The following PLD1 variants were observed in gnomAD, a reference collection of about 807,000 sequenced individuals.
PLD1 encodes the protein phospholipase D1.
In PLD1, 112 loss-of-function variants were observed where a neutral mutation model predicts 137.1. The ratio of observed to expected loss-of-function variants is 0.82; its 90% confidence interval spans 0.70 to 0.96. The LOEUF (loss-of-function observed/expected upper bound fraction) is 0.96, where lower values mean the gene tolerates loss of function less well. Among genes scored for constraint, PLD1 ranks in the 40% least tolerant of loss-of-function variants. PLD1 has a pLI of 0.00. For missense variants in PLD1, 1,321 were observed against 1,342.0 expected (o/e 0.98, Z 0.24); for synonymous variants, 431 against 454.7 (o/e 0.95, Z 0.66).
intron 23 of PLD1, among the ~76,000 whole-genome samples, chr3:171,635,273 G>C (rs1035581015): frequency 6.6e-6 from 1 of 151,962 alleles, no homozygotes; most frequent in African/African-American, 2.4e-5. Context: ...TTTAATATTT[G>C]GGTAAATGTT....
At chr3:171,634,409 G>T (rs752879296) in intron 23 of PLD1, among the ~76,000 whole-genome samples, 1 of 151,970 alleles carries the variant, frequency 6.6e-6, no homozygotes, top group Non-Finnish European at 1.5e-5. Flanking sequence ...TGATTTTCCC[G>T]ATTTTATTTT....
chr3:171,604,906 T>A (rs1294151055), intron 26 of PLD1, among the ~76,000 whole-genome samples: 3 of 152,238 alleles, frequency 2.0e-5, no homozygotes, highest in Admixed American at 1.3e-4. Flanking sequence ...GAAAGTTAAG[T>A]CACTATACAC....
chr3:171,641,300 T>C (rs1735719891), intron 23 of PLD1, among the ~76,000 whole-genome samples: 1 of 152,216 alleles, frequency 6.6e-6, no homozygotes, highest in African/African-American at 2.4e-5. Context: ...TTTAGTTAAT[T>C]TCCCCATCCA....
rs539484269 is a variant in PLD1, at chr3:171,755,952, G to A, written c.-31-17870C>T. 7.9e-5 allele frequency among the ~76,000 whole-genome samples: 12 copies of A among 152,240 alleles called. No individual in the cohort carries two copies. The East Asian group carries it at 2.1e-3, about 27-fold the overall frequency. On this transcript the variant is annotated intron_variant, in intron 1 of 26. Coordinates refer to ENST00000351298, the MANE Select transcript of PLD1 (RefSeq NM_002662.5). ...CTATGTTTTCTTCTTGAAGAAAATT[G>A]GAAACATCATCTACCCAGCTGCATA...
intron 9 of PLD1, among the ~76,000 whole-genome samples, chr3:171,712,763 A>G (rs1408159447): frequency 6.6e-6 from 1 of 152,216 alleles, no homozygotes; most frequent in Non-Finnish European, 1.5e-5. Flanking sequence ...CAATAAAGTA[A>G]GGGACCAGTG....
At chr3:171,739,170 C>T (rs1719593817) in intron 1 of PLD1, among the ~76,000 whole-genome samples, 1 of 152,160 alleles carries the variant, frequency 6.6e-6, no homozygotes, top group Non-Finnish European at 1.5e-5. Context: ...TCTTAGGCTT[C>T]TTGAGAATGA....
At position 171,713,997 on chromosome 3, in the gene PLD1, G is replaced by T. The variant is rs146296743; in HGVS notation, c.807C>A (p.Ser269Arg). The T allele has an allele frequency of 6.2e-7, 1 of 1,606,432 alleles. No individual in the cohort carries two copies. Among genetic ancestry groups the T allele is most frequent in the South Asian group, 1.1e-5 (1 of 90,918 alleles). Residue 269 changes from serine to arginine, a missense_variant, in exon 9 of 27, where the codon AGC (serine) becomes AGA (arginine). By Grantham distance (110) the Ser-to-Arg change is moderately radical (BLOSUM62 -1). Coordinates refer to ENST00000351298, the MANE Select transcript of PLD1 (RefSeq NM_002662.5). ...DSFLLYMKPD[S>R]GAIAFVLLVD... ...CCAGCAGGACGAAGGCAATGGCACC[G>T]CTGTCTGGTTTCATATACAATAAAA...
intron 1 of PLD1, among the ~76,000 whole-genome samples, chr3:171,776,416 GCT>G (rs1469506216): frequency 3.3e-5 from 5 of 152,196 alleles, no homozygotes. Context: ...CTTGCTCAAA[GCT>G]CTTTTATTTA....
Position 171,612,462 on chromosome 3 carries a change from C to G in PLD1, c.2729-30G>C. On this transcript the variant is annotated intron_variant, in intron 24 of 26. Transcript: ENST00000351298. The surrounding 1 kb of genome is among the most constrained non-coding windows in gnomAD (Gnocchi z 4.1). Reference sequence around the variant, plus strand: ...AAGGAGAAACAGTGAGGCTGAACAACCTTCCTGTTGTGGCAGACACTGTTG... The same window carrying G: ...AAGGAGAAACAGTGAGGCTGAACAAGCTTCCTGTTGTGGCAGACACTGTTG... 6.2e-7 allele frequency: 1 copy of G among 1,608,978 alleles called. No homozygotes were observed.
At chr3:171,676,117 C>T (rs781200602) in intron 18 of PLD1, among the ~76,000 whole-genome samples, 3 of 152,278 alleles carry the variant, frequency 2.0e-5, no homozygotes, top group South Asian at 2.1e-4. Context: ...GCCAGGATTA[C>T]AGTCGTGGGC....
rs151169443 is a variant in PLD1, at chr3:171,764,933, G to GGAAA, written c.-31-26855_-31-26852dup. ...GAAGGAAAGAAAGAAAGGAAAGAAA[G>GGAAA]GAAAGAAAGAAAGAAAGAAAGAAAG... On this transcript the variant is annotated intron_variant, in intron 1 of 26. Transcript: ENST00000351298. 8.8e-3 allele frequency among the ~76,000 whole-genome samples: 208 copies of GGAAA among 23,722 alleles called. 12 individuals carry two copies. Among genetic ancestry groups the GGAAA allele is most frequent in the East Asian group, 0.015 (19 of 1,274 alleles). 15.6% of individuals were successfully genotyped at this position (23,722 alleles called of 152,430 possible).
intron 1 of PLD1, among the ~76,000 whole-genome samples, chr3:171,788,250 C>CT (rs58878929): frequency 0.015 from 1,606 of 110,460 alleles, 29 homozygotes; most frequent in Middle Eastern, 0.025. Flanking sequence ...ATCTGCACTT[C>CT]TTTTTTTTTT....
At position 171,661,947 on chromosome 3, in the gene PLD1, C is replaced by T. The variant is rs978723204; in HGVS notation, c.2340+113G>A. The T allele has an allele frequency of 4.5e-5, 26 of 578,302 alleles. No homozygotes were observed. In the African/African-American group the frequency reaches 4.6e-4, roughly 10 times the overall value. The allele number at this position is 578,302 out of a possible 1,614,324, so 35.8% of individuals were successfully genotyped here. A position where few individuals can be genotyped will look rare whatever the true frequency, so the allele number is the denominator to read the frequency against. ...CAGAGCTTCTCCAGCACTTTTCACG[C>T]CTCAAAATATACTTATTAATATGAG... On this transcript the variant is annotated intron_variant, in intron 20 of 26. Transcript: ENST00000351298.
chr3:171,771,879 A>G (rs1722372135), intron 1 of PLD1, among the ~76,000 whole-genome samples: 1 of 152,252 alleles, frequency 6.6e-6, no homozygotes. Context: ...AGAACCTTCT[A>G]ACTTCTGATT....
intron 8 of PLD1, among the ~76,000 whole-genome samples, chr3:171,722,470 A>G (rs192306259): frequency 2.0e-5 from 3 of 152,264 alleles, no homozygotes; most frequent in African/African-American, 7.2e-5. Context: ...GTATCAAATT[A>G]GTAGAAAGCA....
chr3:171,668,141 T>C (rs1376207826), intron 19 of PLD1, among the ~76,000 whole-genome samples: 2 of 152,196 alleles, frequency 1.3e-5, no homozygotes, highest in East Asian at 3.9e-4. Flanking sequence ...TACAGACTGC[T>C]GAATGTATAT....
At chr3:171,659,085 C>T in intron 21 of PLD1, 128 bp downstream of exon 21, 1 of 686,746 alleles carries the variant, frequency 1.5e-6, no homozygotes, top group Non-Finnish European at 2.6e-6. Context: ...CATCAATAAC[C>T]TATTGCTGGC....
At position 171,810,480 on chromosome 3, in the gene PLD1, C is replaced by G. The variant is rs556338947; in HGVS notation, c.-113G>C. On this transcript the variant is annotated 5_prime_UTR_variant, in exon 1 of 27. Coordinates refer to ENST00000351298, the MANE Select transcript of PLD1 (RefSeq NM_002662.5). ...GGGTGCCTCTGGCACAGCTGGAGCT[C>G]AGCGGGAGGGAGGGAGAGAGGGCGG... The G allele has an allele frequency of 7.1e-4, 106 of 148,762 alleles. No homozygotes were observed. Among genetic ancestry groups the G allele is most frequent in the African/African-American group, 2.5e-3 (100 of 39,328 alleles). The allele number at this position is 148,762 out of a possible 1,614,324, so 9.2% of individuals were successfully genotyped here. A position where few individuals can be genotyped will look rare whatever the true frequency, so the allele number is the denominator to read the frequency against.
chr3:171,640,845 A>C (rs537733606), intron 23 of PLD1, among the ~76,000 whole-genome samples: 47 of 152,316 alleles, frequency 3.1e-4, no homozygotes, highest in African/African-American at 1.1e-3. Context: ...TCCTCAGCTT[A>C]TCCTCTTAAG....
Sources: allele counts gnomAD v4.1 joint callset (sites outside exome capture counted in the v4.1 genomes callset), GRCh38; gene constraint gnomAD v4.1.1; non-coding constraint Gnocchi (gnomAD v3.1); transcripts MANE v1.5; gene names NCBI Gene and HGNC (gene_info 2026-07-23, HGNC 2026-07-21).